CTNND2: variants seen among roughly 807,000 people sequenced by gnomAD.
CTNND2 encodes catenin delta-2.
A neutral mutation model predicts 144.4 loss-of-function variants in CTNND2; 22 were observed. The observed-to-expected ratio is 0.15, with a 90% CI of 0.11 to 0.22. CTNND2 has a LOEUF of 0.22. CTNND2 is among the 10% of genes least tolerant of loss of function. The pLI is 1.00. For synonymous variants in CTNND2, 751 were observed against 695.6 expected, an observed-to-expected ratio of 1.08 and a Z score of -1.25; for missense variants, 1,353 against 1,618.8, an observed-to-expected ratio of 0.84 and a Z score of 2.82.
At chr5:11,439,292 A>T (rs1243735321) in intron 3 of CTNND2, among the ~76,000 whole-genome samples, 1 of 152,172 alleles carries the variant, frequency 6.6e-6, no homozygotes, top group Non-Finnish European at 1.5e-5. Flanking sequence ...AGACCTAGAC[A>T]GCAGAGGGGA....
At chr5:11,480,904 C>A (rs1768192909) in intron 3 of CTNND2, among the ~76,000 whole-genome samples, 1 of 151,984 alleles carries the variant, frequency 6.6e-6, no homozygotes, top group Non-Finnish European at 1.5e-5. Flanking sequence ...AGGGTAGTCA[C>A]CCAAGAGTGC....
chr5:11,381,846 A>G (rs1220488763), intron 7 of CTNND2, among the ~76,000 whole-genome samples: 3 of 152,170 alleles, frequency 2.0e-5, no homozygotes, highest in Non-Finnish European at 4.4e-5. Flanking sequence ...GGGCACCTGT[A>G]GCCCCAGCTG....
intron 2 of CTNND2, among the ~76,000 whole-genome samples, chr5:11,605,181 C>G (rs1199691449): frequency 6.6e-6 from 1 of 152,222 alleles, no homozygotes; most frequent in Non-Finnish European, 1.5e-5. Context: ...ATTCTCCTAA[C>G]AGTGCCAAGA....
intron 10 of CTNND2, among the ~76,000 whole-genome samples, chr5:11,229,034 C>G (rs990205324): frequency 6.6e-6 from 1 of 152,178 alleles, no homozygotes; most frequent in African/African-American, 2.4e-5. Context: ...TATATAAGAT[C>G]TGTAAACACT....
chr5:11,123,488 T>A (rs1444226818), intron 12 of CTNND2, among the ~76,000 whole-genome samples: 1 of 152,178 alleles, frequency 6.6e-6, no homozygotes, highest in Non-Finnish European at 1.5e-5. Context: ...TGCTCAGGAC[T>A]GCCCCCACCA....
At chr5:11,192,226 C>T (rs555510480) in intron 11 of CTNND2, among the ~76,000 whole-genome samples, 1 of 152,142 alleles carries the variant, frequency 6.6e-6, no homozygotes, top group African/African-American at 2.4e-5. Context: ...CAGAATGAAC[C>T]TTTGCCTGGA....
intron 1 of CTNND2, among the ~76,000 whole-genome samples, chr5:11,733,062 C>A (rs1290678995): frequency 6.6e-6 from 1 of 152,168 alleles, no homozygotes; most frequent in African/African-American, 2.4e-5. Flanking sequence ...ATAACTCGCC[C>A]TATGCATATC....
Position 11,494,451 on chromosome 5 carries a change from C to T in CTNND2, c.287+70493G>A, listed in dbSNP as rs75457599. Among the ~76,000 whole-genome samples, 1,146 of 151,936 alleles carry T rather than the reference C, an allele frequency of 7.5e-3. 47 individuals are homozygous for T. The East Asian group carries it at 0.11, about 15-fold the overall frequency. Reference sequence around the variant, plus strand: ...ATTATAATATGGCTCAAGTACCAAACGTGTGTGAGTGGTATTTGAAAGAAA... The same window carrying T: ...ATTATAATATGGCTCAAGTACCAAATGTGTGTGAGTGGTATTTGAAAGAAA... On this transcript the variant is annotated intron_variant, in intron 3 of 21. Transcript: ENST00000304623.
At chr5:11,440,793 C>A (rs1764192955) in intron 3 of CTNND2, among the ~76,000 whole-genome samples, 1 of 152,158 alleles carries the variant, frequency 6.6e-6, no homozygotes, top group Admixed American at 6.5e-5. Context: ...GCTCCTTCCC[C>A]AAATTAAAAT....
intron 1 of CTNND2, among the ~76,000 whole-genome samples, chr5:11,797,524 A>G (rs1791464866): frequency 1.3e-5 from 2 of 152,170 alleles, no homozygotes; most frequent in Non-Finnish European, 2.9e-5. Context: ...TTACAACTCC[A>G]AACTAAAATG....
rs189320905 is a variant in CTNND2, at chr5:11,885,380, A to C, written c.37+18437T>G. Among the ~76,000 whole-genome samples, 4 of 152,296 alleles carry C rather than the reference A, an allele frequency of 2.6e-5. No homozygotes were observed. The East Asian group carries it at 7.7e-4, about 29-fold the overall frequency. ...GTTTTCCATGCAAATAGAAACCACA[A>C]AAGAGCAGAAGTAGCTACATTTATA... On this transcript the variant is annotated intron_variant, in intron 1 of 21. Transcript: ENST00000304623.
intron 1 of CTNND2, among the ~76,000 whole-genome samples, chr5:11,799,573 T>C (rs1791570735): frequency 6.6e-6 from 1 of 152,176 alleles, no homozygotes; most frequent in Non-Finnish European, 1.5e-5. Context: ...TGACACAATA[T>C]ACAGACTTTT....
chr5:10,995,981 G>T (rs972590506), intron 18 of CTNND2, among the ~76,000 whole-genome samples: 1 of 152,210 alleles, frequency 6.6e-6, no homozygotes, highest in African/African-American at 2.4e-5. Flanking sequence ...AGAGAGAAAG[G>T]GAAGGGAGGA....
intron 1 of CTNND2, among the ~76,000 whole-genome samples, chr5:11,778,050 A>T (rs1219386729): frequency 6.6e-6 from 1 of 152,138 alleles, no homozygotes; most frequent in Non-Finnish European, 1.5e-5. Flanking sequence ...TTTTAGAATC[A>T]AAATTTCCAG....
At chr5:11,140,239 C>G (rs1289608129) in intron 12 of CTNND2, among the ~76,000 whole-genome samples, 1 of 152,122 alleles carries the variant, frequency 6.6e-6, no homozygotes, top group Non-Finnish European at 1.5e-5. Flanking sequence ...CCAAAGAAAA[C>G]ATGACAATCT....
At chr5:11,446,821 G>C (rs1411855117) in intron 3 of CTNND2, among the ~76,000 whole-genome samples, 2 of 152,118 alleles carry the variant, frequency 1.3e-5, no homozygotes, top group Non-Finnish European at 2.9e-5. Flanking sequence ...ACTTGAGCAA[G>C]GGGGCCGTGG....
At chr5:11,129,207 A>G (rs1478462844) in intron 12 of CTNND2, among the ~76,000 whole-genome samples, 1 of 38,210 alleles carries the variant, frequency 2.6e-5, no homozygotes, top group African/African-American at 8.8e-5. Flanking sequence ...TATATTATAT[A>G]TTTATATATT....
chr5:11,603,707 C>A (rs1157842930), intron 2 of CTNND2, among the ~76,000 whole-genome samples: 6 of 152,136 alleles, frequency 3.9e-5, no homozygotes, highest in Non-Finnish European at 7.4e-5. Flanking sequence ...TCAGAGAAGT[C>A]TATTATACAG....
At chr5:11,867,712 T>C (rs577765411) in intron 1 of CTNND2, among the ~76,000 whole-genome samples, 2 of 152,246 alleles carry the variant, frequency 1.3e-5, no homozygotes, top group South Asian at 2.1e-4. Flanking sequence ...TCAAAGACAC[T>C]GACCCTAAAT....
Sources: allele counts gnomAD v4.1 joint callset (sites outside exome capture counted in the v4.1 genomes callset), GRCh38; gene constraint gnomAD v4.1.1; transcripts MANE v1.5; gene names NCBI Gene and HGNC (gene_info 2026-07-23, HGNC 2026-07-21).